Variants in NTNG1 observed in about 807,000 individuals in gnomAD.
NTNG1 encodes netrin-G1.
Under a neutral mutation model 54.0 loss-of-function variants are expected in NTNG1, and 16 were observed. The ratio of observed to expected loss-of-function variants is 0.30; its 90% CI spans 0.20 to 0.45. The LOEUF (loss-of-function observed/expected upper bound fraction) is 0.45, where lower values mean the gene tolerates loss of function less well. Among genes scored for constraint, NTNG1 ranks in the 20% least tolerant of loss-of-function variants. NTNG1 has a pLI of 1.00. For missense variants in NTNG1, 530 were observed against 678.7 expected (o/e 0.78, Z 2.43); for synonymous variants, 255 against 263.1 (o/e 0.97, Z 0.30).
At chr1:107,201,261 T>A (rs777745534) in intron 2 of NTNG1, among the ~76,000 whole-genome samples, 2 of 151,798 alleles carry the variant, frequency 1.3e-5, no homozygotes, top group African/African-American at 2.4e-5. Flanking sequence ...CTTCCTTTTG[T>A]GTATTTGTTC....
At position 107,312,597 on chromosome 1, in the gene NTNG1, G is replaced by A. The variant is rs1267762938; in HGVS notation, c.247-11685G>A. Among the ~76,000 whole-genome samples the A allele has an allele frequency of 2.6e-5, 4 of 152,118 alleles. No individual in the cohort carries two copies. The East Asian group carries it at 5.8e-4, about 22-fold the overall frequency. Reference sequence around the variant, plus strand: ...CTCTTAACAAACACTATACCAGTGCGAATTGAAGTGTGGGCCAGAGGCTAC... The same window carrying A: ...CTCTTAACAAACACTATACCAGTGCAAATTGAAGTGTGGGCCAGAGGCTAC... On this transcript the variant is annotated intron_variant, in intron 2 of 7. Transcript: ENST00000370068.
Position 107,250,772 on chromosome 1 carries a change from G to A in NTNG1, c.247-73510G>A, listed in dbSNP as rs115286100. Among the ~76,000 whole-genome samples the A allele has an allele frequency of 4.3e-3, 660 of 152,256 alleles. 5 individuals carry two copies. Among genetic ancestry groups the A allele is most frequent in the African/African-American group, 0.015 (623 of 41,552 alleles). On this transcript the variant is annotated intron_variant, in intron 2 of 7. Transcript: ENST00000370068. ...AGTGAGCTGCTCCTGGAGAGGAAGA[G>A]AGATAGGGTGACCTTGGTCAAGGCA...
intron 7 of NTNG1, among the ~76,000 whole-genome samples, chr1:107,476,712 G>T (rs1037221858): frequency 1.3e-5 from 2 of 152,018 alleles, no homozygotes; most frequent in Admixed American, 1.3e-4. Context: ...CCAGTCTGCC[G>T]TTTTTCTGGT....
intron 2 of NTNG1, among the ~76,000 whole-genome samples, chr1:107,178,882 T>G (rs1419838092): frequency 6.6e-6 from 1 of 152,220 alleles, no homozygotes; most frequent in East Asian, 1.9e-4. Flanking sequence ...CCACATGATC[T>G]AGACTGAAGA....
At chr1:107,287,535 C>G (rs1379320867) in intron 2 of NTNG1, among the ~76,000 whole-genome samples, 1 of 152,136 alleles carries the variant, frequency 6.6e-6, no homozygotes, top group Non-Finnish European at 1.5e-5. Flanking sequence ...ATTTCTCGAG[C>G]CCAGGAGTTT....
intron 4 of NTNG1, among the ~76,000 whole-genome samples, chr1:107,403,882 G>A (rs1321374376): frequency 6.6e-6 from 1 of 151,904 alleles, no homozygotes; most frequent in East Asian, 1.9e-4. Flanking sequence ...TGAAGAAGAT[G>A]ATGTCTTAAA....
intron 3 of NTNG1, among the ~76,000 whole-genome samples, chr1:107,379,559 A>G (rs1671515317): frequency 6.6e-6 from 1 of 152,196 alleles, no homozygotes; most frequent in African/African-American, 2.4e-5. Flanking sequence ...ACTGTTACAA[A>G]GAACTCTGCA....
intron 2 of NTNG1, among the ~76,000 whole-genome samples, chr1:107,168,882 A>G (rs1225607882): frequency 1.3e-5 from 2 of 152,162 alleles, no homozygotes; most frequent in East Asian, 1.9e-4. Context: ...TCAAATATAC[A>G]TCATGTTTTT....
At chr1:107,200,045 A>G (rs1005587640) in intron 2 of NTNG1, among the ~76,000 whole-genome samples, 2 of 151,890 alleles carry the variant, frequency 1.3e-5, no homozygotes, top group Admixed American at 6.6e-5. Context: ...ACTAGACATG[A>G]CAAGTACTAT....
chr1:107,452,751 C>A (rs1409434065), intron 7 of NTNG1, among the ~76,000 whole-genome samples: 20 of 152,158 alleles, frequency 1.3e-4, no homozygotes, highest in Admixed American at 1.3e-3. Flanking sequence ...GCAGGAATAC[C>A]TTTTCCAGAA....
rs369519609 is a variant in NTNG1 at position 107,383,032 on chromosome 1, A to G, written c.888-12122A>G. Among the ~76,000 whole-genome samples, 39 of 152,362 alleles carry G rather than the reference A, an allele frequency of 2.6e-4. 1 individual carries two copies. The East Asian group carries it at 3.3e-3, about 13-fold the overall frequency. On this transcript the variant is annotated intron_variant, in intron 3 of 7. Transcript: ENST00000370068. The stretch of plus-strand genomic sequence containing the variant: ...TTTGTAGTAAAAACTAAAAGTATGG[A>G]ATAAAGTTGCTGGAGTGTAGTATTC...
At chr1:107,281,316 A>G (rs1664846327) in intron 2 of NTNG1, among the ~76,000 whole-genome samples, 1 of 152,108 alleles carries the variant, frequency 6.6e-6, no homozygotes, top group African/African-American at 2.4e-5. Context: ...TTCACCCACA[A>G]GTCCCTTAAC....
rs537482440 is a variant in NTNG1, at chr1:107,346,884, TAAAAAAAAA to T, written c.887+21979_887+21987del. 9.3e-3 allele frequency among the ~76,000 whole-genome samples: 906 copies of T among 97,144 alleles called. 14 individuals carry two copies. The highest frequency in any genetic ancestry group is 0.029 in the African/African-American group (728 of 25,524). 63.7% of individuals were successfully genotyped at this position (97,144 alleles called of 152,430 possible). A position where few individuals can be genotyped will look rare whatever the true frequency, so the allele number is the denominator to read the frequency against. On this transcript the variant is annotated intron_variant, in intron 3 of 7. Coordinates refer to ENST00000370068, the MANE Select transcript of NTNG1 (RefSeq NM_001113226.3). Reference sequence around the variant, plus strand: ...CTCTGCCATGATCTCTTTTCTATCCTAAAAAAAAAAAAAAAAAAAAAAAAATGAAAAATC... The same window carrying T: ...CTCTGCCATGATCTCTTTTCTATCCTAAAAAAAAAAAAAAAATGAAAAATC...
intron 3 of NTNG1, among the ~76,000 whole-genome samples, chr1:107,372,695 C>G (rs1670994262): frequency 6.6e-6 from 1 of 152,022 alleles, no homozygotes; most frequent in Non-Finnish European, 1.5e-5. Flanking sequence ...CTACTATAAA[C>G]TTGCAAATTT....
intron 7 of NTNG1, among the ~76,000 whole-genome samples, chr1:107,449,447 A>G (rs142889330): frequency 3.9e-5 from 6 of 152,092 alleles, no homozygotes; most frequent in African/African-American, 1.4e-4. Context: ...GGAGAGATTT[A>G]ATCCAGCCGT....
intron 5 of NTNG1, among the ~76,000 whole-genome samples, chr1:107,415,936 G>T (rs1674168973): frequency 6.6e-6 from 1 of 152,042 alleles, no homozygotes; most frequent in South Asian, 2.1e-4. Context: ...ACATGCTAAG[G>T]TATTAGAATA....
chr1:107,464,754 A>T lies in NTNG1; in HGVS notation c.1391-15857A>T, dbSNP rs974201014. 2.6e-5 allele frequency among the ~76,000 whole-genome samples: 4 copies of T among 152,046 alleles called. No homozygotes were observed. The South Asian group carries it at 6.2e-4, about 24-fold the overall frequency. On this transcript the variant is annotated intron_variant, in intron 7 of 7. Transcript: ENST00000370068. ...GCAATAGGTGGAGAATCTGCCTTCC[A>T]CCCTCCTGCACCTTTTTATGGGAAG... is the stretch of plus-strand genomic sequence containing the variant.
At chr1:107,429,974 G>A (rs1369450074) in intron 5 of NTNG1, among the ~76,000 whole-genome samples, 1 of 152,086 alleles carries the variant, frequency 6.6e-6, no homozygotes, top group Non-Finnish European at 1.5e-5. Context: ...ACATTTCAGA[G>A]AAACCAAGGA....
At chr1:107,374,662 T>G (rs1253831277) in intron 3 of NTNG1, among the ~76,000 whole-genome samples, 1 of 152,156 alleles carries the variant, frequency 6.6e-6, no homozygotes, top group Non-Finnish European at 1.5e-5. Context: ...TGTTTTAATG[T>G]CCTGTCTGCT....
Sources: allele counts gnomAD v4.1 joint callset (sites outside exome capture counted in the v4.1 genomes callset), GRCh38; gene constraint gnomAD v4.1.1; transcripts MANE v1.5; gene names NCBI Gene and HGNC (gene_info 2026-07-23, HGNC 2026-07-21).